Variants in CDC25C observed in about 807,000 individuals in gnomAD.
CDC25C encodes the protein M-phase inducer phosphatase 3.
CDC25C carries 48 observed loss-of-function variants against 52.5 expected under a neutral mutation model. The ratio of observed to expected loss-of-function variants is 0.91; its 90% CI spans 0.72 to 1.16. CDC25C has a LOEUF of 1.16. Ranked by LOEUF, CDC25C falls within the 50% of genes most tolerant of loss-of-function variation. The pLI is 0.00. For missense variants in CDC25C, 510 were observed against 566.1 expected, an observed-to-expected ratio of 0.90 and a Z score of 1.01; for synonymous variants, 187 against 206.5, an observed-to-expected ratio of 0.91 and a Z score of 0.81.
chr5:138,311,293 C>G (rs925225096), intron 7 of CDC25C, among the ~76,000 whole-genome samples: 4 of 152,178 alleles, frequency 2.6e-5, no homozygotes, highest in African/African-American at 9.7e-5. Context: ...CTATAAAACT[C>G]TTTAAAGAAA....
upstream of CDC25C, chr5:138,331,983 C>T: frequency 2.4e-6 from 2 of 840,592 alleles, no homozygotes; most frequent in Middle Eastern, 5.9e-4. Context: ...AGACTTGCCC[C>T]GCCCCATAGC....
At chr5:138,311,022 A>G (rs889506258) in intron 7 of CDC25C, among the ~76,000 whole-genome samples, 1 of 152,204 alleles carries the variant, frequency 6.6e-6, no homozygotes, top group Non-Finnish European at 1.5e-5. Flanking sequence ...CCAAGAAATA[A>G]CCTCTTGCAT....
In CDC25C at chr5:138,325,923, T is replaced by C. The variant is rs767432515; in HGVS notation, c.370-19A>G. Reference sequence around the variant, plus strand: ...GCTGTGCCTAAAAAAGAGAGTTTGCTGAGAACGTCCAGCATCCTCAAGCCA... The same window carrying C: ...GCTGTGCCTAAAAAAGAGAGTTTGCCGAGAACGTCCAGCATCCTCAAGCCA... On this transcript the variant is annotated intron_variant, in intron 5 of 13. Transcript: ENST00000323760. The C allele has an allele frequency of 5.0e-6, 8 of 1,613,404 alleles. No individual in the cohort carries two copies. The highest frequency in any genetic ancestry group is 6.8e-6 in the Non-Finnish European group (8 of 1,179,434).
chr5:138,331,466 A>G, intron 1 of CDC25C, 129 bp downstream of exon 1: 1 of 684,246 alleles, frequency 1.5e-6, no homozygotes, highest in Non-Finnish European at 2.1e-6. Flanking sequence ...ACTAGAAAGA[A>G]CCCGGGTCTC....
rs756801650 is a variant in CDC25C at position 138,289,483 on chromosome 5, C to A, written c.927+18G>T. ...GGTAGCTTATGTAACCAGTTACCAT[C>A]TCCAGAAATCTGCTTACTGTTTCTG... On this transcript the variant is annotated intron_variant, in intron 10 of 13. Transcript: ENST00000323760. 1 of 1,593,272 alleles carries A rather than the reference C, an allele frequency of 6.3e-7. No individual in the cohort carries two copies. The highest frequency in any genetic ancestry group is 8.6e-7 in the Non-Finnish European group (1 of 1,160,936).
chr5:138,303,321 G>A (rs1757770157), intron 7 of CDC25C, among the ~76,000 whole-genome samples: 1 of 152,120 alleles, frequency 6.6e-6, no homozygotes. Context: ...TAGTAGAAGG[G>A]AAAATTGGTA....
chr5:138,286,504 G>A lies in CDC25C; in HGVS notation c.1153C>T (p.Pro385Ser), dbSNP rs570293812. Residue 385 changes from proline (P) to serine (S), a missense_variant, in exon 12 of 14, where the codon CCC (proline) becomes TCC (serine). By Grantham distance (74) the Pro-to-Ser change is moderately conservative. Coordinates refer to ENST00000323760, the MANE Select transcript of CDC25C (RefSeq NM_001790.5). ...FHCEFSSERGPRMCRCLREED... is the reference protein window; with the variant it reads ...FHCEFSSERGSRMCRCLREED... ...CCCCATTTAGACACTCACATTCGGG[G>A]GCCCCTCTCTGAGGAGAATTCACAG... 3 of 1,610,936 alleles carry A rather than the reference G, an allele frequency of 1.9e-6. No homozygotes were observed. The highest frequency in any genetic ancestry group is 2.2e-5 in the East Asian group (1 of 44,808).
At chr5:138,330,280 C>T (rs546913000) in intron 2 of CDC25C, among the ~76,000 whole-genome samples, 1 of 152,020 alleles carries the variant, frequency 6.6e-6, no homozygotes, top group Admixed American at 6.6e-5. Context: ...ACTATGAACA[C>T]AGGCTTGATT....
At chr5:138,326,552 A>G (rs977449320) in intron 4 of CDC25C, among the ~76,000 whole-genome samples, 2 of 152,130 alleles carry the variant, frequency 1.3e-5, no homozygotes, top group African/African-American at 2.4e-5. Context: ...CGTGTTAGCC[A>G]GGACGGTCTT....
intron 10 of CDC25C, among the ~76,000 whole-genome samples, chr5:138,289,001 G>A (rs1179663527): frequency 6.6e-6 from 1 of 151,942 alleles, no homozygotes; most frequent in Admixed American, 6.6e-5. Flanking sequence ...GTCTCGCTGT[G>A]TCGCCCAGGC....
At position 138,309,868 on chromosome 5, in the gene CDC25C, G is replaced by A. The variant is rs1432620582; in HGVS notation, c.615+9351C>T. ...ATTACAGGCACCTGCCACCAAACCC[G>A]GCTAATTTTTGTATTTTTAGTAGAG... On this transcript the variant is annotated intron_variant, in intron 7 of 13. Transcript: ENST00000323760. Among the ~76,000 whole-genome samples, 7 of 151,810 alleles carry A rather than the reference G, an allele frequency of 4.6e-5. No individual in the cohort carries two copies. The South Asian group carries it at 6.3e-4, about 14-fold the overall frequency.
intron 9 of CDC25C, 99 bp downstream of exon 9, chr5:138,290,540 G>A (rs1412480981): frequency 5.6e-6 from 4 of 720,592 alleles, no homozygotes; most frequent in African/African-American, 3.5e-5. Context: ...AAGAGTACTT[G>A]GTGAGGATGC....
chr5:138,332,311 GC>G (rs1760459619), upstream of CDC25C: 1 of 152,244 alleles, frequency 6.6e-6, no homozygotes, highest in Non-Finnish European at 1.5e-5. Context: ...GGGAGATGGA[GC>G]GTTTGCTGCC....
chr5:138,302,937 T>TG (rs2126717060), intron 7 of CDC25C, among the ~76,000 whole-genome samples: 1 of 149,676 alleles, frequency 6.7e-6, no homozygotes, highest in East Asian at 2.0e-4. Flanking sequence ...GGGGTGACTG[T>TG]GTTTGCCTGT....
chr5:138,307,082 G>C (rs1488913581), intron 7 of CDC25C, among the ~76,000 whole-genome samples: 6 of 151,618 alleles, frequency 4.0e-5, no homozygotes, highest in African/African-American at 1.5e-4. Flanking sequence ...GACCTCAAGG[G>C]ATCTGCCTGC....
intron 7 of CDC25C, among the ~76,000 whole-genome samples, chr5:138,316,204 C>T (rs1758859086): frequency 6.6e-6 from 1 of 152,206 alleles, no homozygotes; most frequent in Non-Finnish European, 1.5e-5. Flanking sequence ...GAAGGCCTCC[C>T]CACCACCCCC....
At chr5:138,285,867 G>C (rs984527528) in intron 13 of CDC25C, 26 bp from the exon 14 acceptor site, 40 of 1,612,486 alleles carry the variant, frequency 2.5e-5, no homozygotes, top group Non-Finnish European at 3.3e-5. Flanking sequence ...CAGAGTAAGG[G>C]ATTCTCTAGA....
intron 6 of CDC25C, among the ~76,000 whole-genome samples, 200 bp downstream of exon 6, chr5:138,325,615 A>G (rs1458236356): frequency 6.6e-6 from 1 of 152,158 alleles, no homozygotes; most frequent in African/African-American, 2.4e-5. Flanking sequence ...CTACTGTGGA[A>G]GATTTGGAGC....
intron 4 of CDC25C, among the ~76,000 whole-genome samples, chr5:138,327,392 T>A (rs1165348676): frequency 1.2e-4 from 1 of 8,126 alleles, no homozygotes; most frequent in Admixed American, 1.9e-3. Context: ...AAGGGGTGGG[T>A]GGGGGTGGGG....
Sources: gnomAD v4.1 joint callset for allele counts (sites outside exome capture counted in the v4.1 genomes callset) on GRCh38, gnomAD v4.1.1 for gene constraint, MANE v1.5 for transcripts, NCBI Gene and HGNC (gene_info 2026-07-23, HGNC 2026-07-21) for gene names.